The following MPP7 variants were observed in gnomAD, a reference collection of about 807,000 sequenced individuals.
The protein encoded by MPP7 is MAGUK p55 scaffold protein 7, also known as MAGUK p55 subfamily member 7.
MPP7 carries 60 observed loss-of-function variants against 76.5 expected under a neutral mutation model. The observed-to-expected ratio is 0.78, with a 90% CI of 0.64 to 0.97. The LOEUF is 0.97. Ranked by LOEUF, MPP7 falls within the 50% of genes least tolerant of loss-of-function variation. The pLI is 0.00. For missense variants in MPP7, 641 were observed against 694.0 expected, an observed-to-expected ratio of 0.92 and a Z score of 0.86; for synonymous variants, 237 against 244.5, an observed-to-expected ratio of 0.97 and a Z score of 0.29.
chr10:28,139,374 T>G (rs1409015386), intron 5 of MPP7, among the ~76,000 whole-genome samples: 2 of 152,204 alleles, frequency 1.3e-5, no homozygotes, highest in Non-Finnish European at 2.9e-5. Flanking sequence ...ATCCTGCATT[T>G]ATGAGAAGTT....
chr10:28,207,728 A>G (rs1406857989), intron 2 of MPP7, among the ~76,000 whole-genome samples: 1 of 152,050 alleles, frequency 6.6e-6, no homozygotes, highest in African/African-American at 2.4e-5. Context: ...AAAGAAAAAG[A>G]AAAGGCTATA....
upstream of MPP7, among the ~76,000 whole-genome samples, chr10:28,306,138 C>A (rs1407612179): frequency 6.6e-6 from 1 of 152,172 alleles, no homozygotes; most frequent in Non-Finnish European, 1.5e-5. Context: ...AGATCCAGCC[C>A]TCACTATGGA....
chr10:28,253,413 A>G (rs953031478), intron 1 of MPP7, among the ~76,000 whole-genome samples: 1 of 152,184 alleles, frequency 6.6e-6, no homozygotes, highest in Non-Finnish European at 1.5e-5. Flanking sequence ...AGGAGCCTAC[A>G]AAAGATGGAC....
At chr10:28,276,742 A>G (rs1271921220) in intron 1 of MPP7, among the ~76,000 whole-genome samples, 1 of 152,112 alleles carries the variant, frequency 6.6e-6, no homozygotes, top group Non-Finnish European at 1.5e-5. Flanking sequence ...GAACAGGTTT[A>G]TGTTTGGAAA....
chr10:28,154,269 C>A (rs1029556414), intron 3 of MPP7, among the ~76,000 whole-genome samples: 2 of 152,152 alleles, frequency 1.3e-5, no homozygotes, highest in African/African-American at 4.8e-5. Flanking sequence ...TTAAAGTTTT[C>A]TCATCTTCCC....
At chr10:28,115,385 G>A (rs1332064920) in intron 11 of MPP7, among the ~76,000 whole-genome samples, 1 of 152,164 alleles carries the variant, frequency 6.6e-6, no homozygotes, top group Non-Finnish European at 1.5e-5. Flanking sequence ...TTACAGGCGT[G>A]AGCCGCTGTG....
At chr10:28,077,567 T>A (rs553549222) in intron 12 of MPP7, among the ~76,000 whole-genome samples, 4 of 152,186 alleles carry the variant, frequency 2.6e-5, no homozygotes, top group African/African-American at 4.8e-5. Flanking sequence ...GGGTTAGGCC[T>A]AAGTTCACAA....
rs377052836 is a variant in MPP7 at position 28,164,428 on chromosome 10, TG to T, written c.157-14370del. 1.6e-4 allele frequency among the ~76,000 whole-genome samples: 25 copies of T among 152,178 alleles called. No homozygotes were observed. The South Asian group carries it at 5.0e-3, about 30-fold the overall frequency. ...CTATCCACTATTAGGCTTTTCTTGG[TG>T]AGAACTACTTGGTAGCTAAGTGGAG... On this transcript the variant is annotated intron_variant, in intron 3 of 16. Coordinates refer to ENST00000683449, the MANE Select transcript of MPP7 (RefSeq NM_001318170.2).
At chr10:28,324,934 A>G (rs954941118) in intron 2 of MPP7, among the ~76,000 whole-genome samples, 1 of 152,170 alleles carries the variant, frequency 6.6e-6, no homozygotes, top group Non-Finnish European at 1.5e-5. Context: ...ATTTGAACCA[A>G]TAGTCCAGTT....
intron 2 of MPP7, among the ~76,000 whole-genome samples, chr10:28,204,699 C>T (rs912100828): frequency 2.0e-5 from 3 of 152,142 alleles, no homozygotes; most frequent in Non-Finnish European, 4.4e-5. Flanking sequence ...ATGGCAAACA[C>T]GGTTGTTGTA....
chr10:28,199,057 C>T (rs1837683338), intron 3 of MPP7, among the ~76,000 whole-genome samples: 2 of 152,124 alleles, frequency 1.3e-5, no homozygotes, highest in South Asian at 4.1e-4. Context: ...GCGAAAGGCA[C>T]ATCTTACATC....
In MPP7 at chr10:28,127,259, T is replaced by C. The variant is rs114386414; in HGVS notation, c.448-2168A>G. Among the ~76,000 whole-genome samples, 723 of 152,338 alleles carry C rather than the reference T, an allele frequency of 4.7e-3. 8 individuals are homozygous for C. Among genetic ancestry groups the C allele is most frequent in the African/African-American group, 0.017 (706 of 41,574 alleles). ...ACCAATGTTTATTGAGAACTTACTC[T>C]GTGCAAGGCACCGTTCTAAGGGCTT... On this transcript the variant is annotated intron_variant, in intron 6 of 16. Transcript: ENST00000683449.
chr10:28,206,492 C>T lies in MPP7; in HGVS notation c.38-4221G>A, dbSNP rs186600714. On this transcript the variant is annotated intron_variant, in intron 2 of 16. Transcript: ENST00000683449. ...GATGTTGATAAAATGCTCATGCCTG[C>T]TTCTAAAATTTACATTGCAGTTTAG... Among the ~76,000 whole-genome samples the T allele has an allele frequency of 3.4e-3, 522 of 152,192 alleles. 5 individuals carry two copies. Among genetic ancestry groups the T allele is most frequent in the African/African-American group, 0.011 (448 of 41,538 alleles).
At chr10:28,284,229 C>G (rs1840744790) in intron 1 of MPP7, among the ~76,000 whole-genome samples, 1 of 152,162 alleles carries the variant, frequency 6.6e-6, no homozygotes, top group African/African-American at 2.4e-5. Flanking sequence ...CCAGTGTCAC[C>G]AAGATCCCTG....
chr10:28,235,279 T>C (rs912654028), intron 2 of MPP7, among the ~76,000 whole-genome samples: 4 of 152,194 alleles, frequency 2.6e-5, no homozygotes, highest in African/African-American at 4.8e-5. Flanking sequence ...CATGTATCAA[T>C]ATCATTTCTC....
intron 4 of MPP7, 72 bp downstream of exon 4, chr10:28,149,910 C>T: frequency 1.4e-6 from 1 of 739,042 alleles, no homozygotes; most frequent in South Asian, 2.0e-5. Flanking sequence ...CATCTGTCTG[C>T]ACTAGGACAG....
chr10:28,320,740 A>T (rs1834362034), intron 2 of MPP7, among the ~76,000 whole-genome samples: 2 of 152,090 alleles, frequency 1.3e-5, no homozygotes, highest in African/African-American at 4.8e-5. Context: ...GTCAGTTTTC[A>T]CTAATTTAGA....
At chr10:28,290,671 T>C (rs1840896063) in intron 1 of MPP7, among the ~76,000 whole-genome samples, 1 of 152,074 alleles carries the variant, frequency 6.6e-6, no homozygotes, top group African/African-American at 2.4e-5. Context: ...TGGGGTTTCA[T>C]CACATTGGTC....
intron 4 of MPP7, among the ~76,000 whole-genome samples, chr10:28,148,783 C>A (rs1461545214): frequency 6.6e-6 from 1 of 152,076 alleles, no homozygotes; most frequent in Non-Finnish European, 1.5e-5. Context: ...CAGTCTCTAA[C>A]TTTTTATAAA....
Sources: gnomAD v4.1 joint callset for allele counts (sites outside exome capture counted in the v4.1 genomes callset) on GRCh38, gnomAD v4.1.1 for gene constraint, MANE v1.5 for transcripts, NCBI Gene and HGNC (gene_info 2026-07-23, HGNC 2026-07-21) for gene names.